ASB15: variants seen among roughly 807,000 people sequenced by gnomAD.
ASB15 encodes the protein ankyrin repeat and SOCS box containing 15.
Under a neutral mutation model 58.0 loss-of-function variants are expected in ASB15, and 54 were observed. The ratio of observed to expected loss-of-function variants is 0.93; its 90% confidence interval spans 0.75 to 1.17. The LOEUF (loss-of-function observed/expected upper bound fraction) is 1.17, where lower values mean the gene tolerates loss of function less well. ASB15 is among the 50% of genes most tolerant of loss of function. ASB15 has a pLI of 0.00. For synonymous variants in ASB15, 249 were observed against 262.4 expected (o/e 0.95, Z 0.50); for missense variants, 680 against 707.4 (o/e 0.96, Z 0.44).
intron 1 of ASB15, among the ~76,000 whole-genome samples, chr7:123,595,725 T>C (rs1345243036): frequency 6.6e-6 from 1 of 152,232 alleles, no homozygotes; most frequent in African/African-American, 2.4e-5. Context: ...TCTACTTCTC[T>C]GGATCCTACC....
chr7:123,635,892 G>T (rs1435210766), intron 11 of ASB15, among the ~76,000 whole-genome samples: 4 of 152,038 alleles, frequency 2.6e-5, no homozygotes, highest in Admixed American at 2.6e-4. Context: ...AATTTTAAAA[G>T]ATAAATTGTT....
At chr7:123,619,053 A>G (rs1187249527) in intron 7 of ASB15, among the ~76,000 whole-genome samples, 1 of 151,620 alleles carries the variant, frequency 6.6e-6, no homozygotes, top group African/African-American at 2.4e-5. Context: ...CGTGGCAGGC[A>G]CCTGTAATCC....
intron 1 of ASB15, among the ~76,000 whole-genome samples, chr7:123,582,422 G>C (rs547521525): frequency 6.6e-6 from 1 of 151,958 alleles, no homozygotes; most frequent in East Asian, 1.9e-4. Context: ...CACCGTCCTG[G>C]AGGAAGAAAT....
rs147898786 is a variant in ASB15 at position 123,630,087 on chromosome 7, A to G, written c.1562A>G (p.Gln521Arg). The G allele has an allele frequency of 6.2e-7, 1 of 1,600,760 alleles. No homozygotes were observed. Among genetic ancestry groups the G allele is most frequent in the Non-Finnish European group, 8.5e-7 (1 of 1,171,864 alleles). Residue 521 changes from glutamine to arginine, a missense_variant, in exon 11 of 12, where the codon CAG becomes CGG. Transcript: ENST00000451215. ...AAACTGAAGTCTGCACTAGAAGTACAGAGAGAATGGCCAGAAATCCGCCAA... is the reference window on the plus strand; with the variant it reads ...AAACTGAAGTCTGCACTAGAAGTACGGAGAGAATGGCCAGAAATCCGCCAA... ...CAKLKSALEV[Q>R]REWPEIRQIL... is the part of the protein sequence containing the mutation.
chr7:123,567,564 A>G (rs1201541324), intron 1 of ASB15, among the ~76,000 whole-genome samples: 1 of 152,194 alleles, frequency 6.6e-6, no homozygotes, highest in Non-Finnish European at 1.5e-5. Context: ...TACCAAAGTT[A>G]GGTGGTTAAA....
chr7:123,637,879 A>AAAAAAAAAAAAAAAAAAAAAC lies in ASB15; in HGVS notation c.*918_*919insCAAAAAAAAAAAAAAAAAAAA, dbSNP rs1802503810. On this transcript the variant is annotated 3_prime_UTR_variant, in exon 12 of 12. Coordinates refer to ENST00000451215, the MANE Select transcript of ASB15 (RefSeq NM_001290258.2). ...AATTCAACATGTCCCCAGATGAACTAAAAAAAAAAAAAAAAAAAAAACCTC... is the reference window on the plus strand; with the variant it reads ...AATTCAACATGTCCCCAGATGAACTAAAAAAAAAAAAAAAAAAAAACAAAAAAAAAAAAAAAAAAAAACCTC... The AAAAAAAAAAAAAAAAAAAAAC allele has an allele frequency of 1.5e-5, 1 of 64,968 alleles. No homozygotes were observed. The highest frequency in any genetic ancestry group is 4.2e-4 in the South Asian group (1 of 2,394). The allele number at this position is 64,968 out of a possible 1,614,324, so 4.0% of individuals were successfully genotyped here. A position where few individuals can be genotyped will look rare whatever the true frequency, so the allele number is the denominator to read the frequency against.
At chr7:123,573,390 T>A (rs920588296) in intron 1 of ASB15, among the ~76,000 whole-genome samples, 2 of 151,884 alleles carry the variant, frequency 1.3e-5, no homozygotes, top group African/African-American at 4.8e-5. Context: ...CTCATTTGTC[T>A]GTGCATTTTG....
intron 1 of ASB15, among the ~76,000 whole-genome samples, chr7:123,584,306 G>C: frequency 3.6e-5 from 1 of 27,784 alleles, no homozygotes; most frequent in Admixed American, 3.9e-4. Context: ...GAAAGGCCTT[G>C]TCAAAAAAAA....
In ASB15 at chr7:123,610,334, G is replaced by A. The variant is rs80322824; in HGVS notation, c.-3+1680G>A. The stretch of plus-strand genomic sequence containing the variant: ...GAGAATTTAAAACAAGGTAATATAT[G>A]CAAAATGCTTTGCACAGTGCTTGAA... On this transcript the variant is annotated intron_variant, in intron 3 of 11. Coordinates refer to ENST00000451215, the MANE Select transcript of ASB15 (RefSeq NM_001290258.2). Among the ~76,000 whole-genome samples, 142 of 152,270 alleles carry A rather than the reference G, an allele frequency of 9.3e-4. 3 individuals are homozygous for A. The East Asian group carries it at 0.024, about 25-fold the overall frequency.
chr7:123,594,523 T>G (rs983983159), intron 1 of ASB15, among the ~76,000 whole-genome samples: 1 of 152,164 alleles, frequency 6.6e-6, no homozygotes, highest in South Asian at 2.1e-4. Flanking sequence ...TAGTTTTCCT[T>G]CTAACAGACA....
intron 11 of ASB15, among the ~76,000 whole-genome samples, chr7:123,633,574 T>G (rs1802244090): frequency 6.6e-6 from 1 of 152,130 alleles, no homozygotes; most frequent in Non-Finnish European, 1.5e-5. Context: ...TCATAAGCTA[T>G]TTTATCTTGA....
intron 1 of ASB15, among the ~76,000 whole-genome samples, chr7:123,568,620 C>T (rs1247826082): frequency 1.3e-5 from 2 of 151,832 alleles, no homozygotes; most frequent in African/African-American, 4.8e-5. Context: ...GGCTTAACTC[C>T]ACTTCTGTAT....
intron 11 of ASB15, among the ~76,000 whole-genome samples, chr7:123,631,478 AAAGCT>A (rs1443040023): frequency 6.6e-6 from 1 of 152,212 alleles, no homozygotes; most frequent in East Asian, 1.9e-4. Context: ...TTACAAATAA[AAAGCT>A]AAGCCTAAGG....
chr7:123,580,834 T>C (rs952615551), intron 1 of ASB15, among the ~76,000 whole-genome samples: 2 of 152,006 alleles, frequency 1.3e-5, no homozygotes, highest in Non-Finnish European at 2.9e-5. Context: ...ATAGCCATCA[T>C]TATAATTATT....
At chr7:123,632,867 A>G (rs1802195666) in intron 11 of ASB15, among the ~76,000 whole-genome samples, 1 of 152,194 alleles carries the variant, frequency 6.6e-6, no homozygotes, top group South Asian at 2.1e-4. Flanking sequence ...ACATAGGCAA[A>G]AAGAACAAGT....
At chr7:123,631,074 T>C (rs1435624745) in intron 11 of ASB15, among the ~76,000 whole-genome samples, 1 of 152,204 alleles carries the variant, frequency 6.6e-6, no homozygotes, top group Non-Finnish European at 1.5e-5. Flanking sequence ...TCAGGACTGA[T>C]GTTTTCATGA....
intron 7 of ASB15, chr7:123,621,263 T>A (rs535855676): frequency 6.6e-6 from 1 of 152,204 alleles, no homozygotes; most frequent in Non-Finnish European, 1.5e-5. Context: ...TATTAGGAAG[T>A]AATATATTTT....
chr7:123,627,167 G>C lies in ASB15; in HGVS notation c.755G>C (p.Gly252Ala), dbSNP rs1801844974. 3.1e-6 allele frequency: 5 copies of C among 1,614,044 alleles called. No individual in the cohort carries two copies. Among genetic ancestry groups the C allele is most frequent in the Non-Finnish European group, 4.2e-6 (5 of 1,179,954 alleles). ...GCGTCGGTGCTGTTTGAGGCAGCAG[G>C]AGGTGGCAATCCCGACTGCATTTCC... is the stretch of plus-strand genomic sequence containing the variant. ...DGASVLFEAA[G>A]GGNPDCISLL... Residue 252 changes from glycine (G) to alanine (A), a missense_variant, in exon 9 of 12, where the codon GGA (glycine) becomes GCA (alanine). By Grantham distance (60) the Gly-to-Ala change is moderately conservative (BLOSUM62 0). Coordinates refer to ENST00000451215, the MANE Select transcript of ASB15 (RefSeq NM_001290258.2).
At chr7:123,623,947 GAAAGAAAGAAAGAAAGAAAGAAA>G (rs1801562888) in intron 7 of ASB15, among the ~76,000 whole-genome samples, 1 of 78,632 alleles carries the variant, frequency 1.3e-5, no homozygotes, top group Non-Finnish European at 2.9e-5. Context: ...AAGAAAGAAA[GAAAGAAAGAAAGAAAGAAAGAAA>G]GAAAGAAAGA....
Sources: allele counts gnomAD v4.1 joint callset (sites outside exome capture counted in the v4.1 genomes callset), GRCh38; gene constraint gnomAD v4.1.1; transcripts MANE v1.5; gene names NCBI Gene and HGNC (gene_info 2026-07-23, HGNC 2026-07-21).